The following LRP1B variants were observed in gnomAD, a reference collection of about 807,000 sequenced individuals.
The protein encoded by LRP1B is low-density lipoprotein receptor-related protein 1B.
In LRP1B, 217 loss-of-function variants were observed where a neutral mutation model predicts 556.6. The observed-to-expected ratio is 0.39, with a 90% confidence interval of 0.35 to 0.44. The LOEUF is 0.44. Ranked by LOEUF, LRP1B falls within the 20% of genes least tolerant of loss-of-function variation. The pLI, the probability that LRP1B is intolerant of heterozygous loss-of-function variation, is 1.00. For missense variants in LRP1B, 5,053 were observed against 5,620.8 expected (o/e 0.90, Z 3.23); for synonymous variants, 2,047 against 1,865.8 (o/e 1.10, Z -2.50).
chr2:141,925,701 A>G (rs542447589), intron 1 of LRP1B, among the ~76,000 whole-genome samples: 16 of 152,316 alleles, frequency 1.1e-4, no homozygotes, highest in Non-Finnish European at 2.1e-4. Context: ...TGGTACAATT[A>G]TCACATAGGG....
At chr2:140,710,493 T>C (rs1686992925) in intron 37 of LRP1B, among the ~76,000 whole-genome samples, 1 of 152,020 alleles carries the variant, frequency 6.6e-6, no homozygotes, top group Non-Finnish European at 1.5e-5. Flanking sequence ...TTTGCATATA[T>C]TTATTATATT....
chr2:141,575,028 G>A lies in LRP1B; in HGVS notation c.206-94495C>T, dbSNP rs923074277. On this transcript the variant is annotated intron_variant, in intron 2 of 90. Transcript: ENST00000389484. Reference sequence around the variant, plus strand: ...TCAATATTGTGAAAATGGCCATACTGCCCAAAGCAGTTTATAGATTCAATG... The same window carrying A: ...TCAATATTGTGAAAATGGCCATACTACCCAAAGCAGTTTATAGATTCAATG... Among the ~76,000 whole-genome samples the A allele has an allele frequency of 2.6e-5, 4 of 151,948 alleles. No individual in the cohort carries two copies. In the East Asian group the frequency reaches 7.7e-4, roughly 29 times the overall value.
At chr2:141,438,405 T>A (rs1470690615) in intron 3 of LRP1B, among the ~76,000 whole-genome samples, 1 of 152,148 alleles carries the variant, frequency 6.6e-6, no homozygotes, top group Non-Finnish European at 1.5e-5. Flanking sequence ...CTAACTAGGA[T>A]TGTGTCCCAT....
chr2:140,360,155 T>A (rs1682439767), intron 72 of LRP1B, among the ~76,000 whole-genome samples: 1 of 151,636 alleles, frequency 6.6e-6, no homozygotes, highest in South Asian at 2.1e-4. Context: ...TCAATTTCCT[T>A]GAGAATACAA....
chr2:140,626,701 TAA>T (rs60712957), intron 41 of LRP1B, among the ~76,000 whole-genome samples: 32,322 of 142,010 alleles, frequency 0.23, 3,862 homozygotes, highest in Admixed American at 0.3. Flanking sequence ...AGCTTCCATT[TAA>T]AAAAAAAAAA....
At chr2:141,948,872 G>T (rs967498514) in intron 1 of LRP1B, among the ~76,000 whole-genome samples, 1 of 151,908 alleles carries the variant, frequency 6.6e-6, no homozygotes, top group Non-Finnish European at 1.5e-5. Context: ...AATATTAACA[G>T]AATTTTTATA....
chr2:141,951,099 G>T (rs1701092530), intron 1 of LRP1B, among the ~76,000 whole-genome samples: 1 of 152,048 alleles, frequency 6.6e-6, no homozygotes, highest in African/African-American at 2.4e-5. Context: ...AGTGATAATG[G>T]CTGCGTAAAT....
intron 2 of LRP1B, among the ~76,000 whole-genome samples, chr2:141,716,795 G>A (rs2105489258): frequency 6.6e-6 from 1 of 152,256 alleles, no homozygotes; most frequent in South Asian, 2.1e-4. Context: ...GTCTAGCTCT[G>A]CAATTGATTG....
At chr2:140,954,472 T>G (rs1057161443) in intron 18 of LRP1B, among the ~76,000 whole-genome samples, 1 of 152,086 alleles carries the variant, frequency 6.6e-6, no homozygotes, top group African/African-American at 2.4e-5. Context: ...TTAATCAATA[T>G]TCTAAGTTTT....
At chr2:140,903,825 A>AT (rs1553556629) in intron 22 of LRP1B, among the ~76,000 whole-genome samples, 7 of 150,690 alleles carry the variant, frequency 4.6e-5, no homozygotes, top group African/African-American at 1.7e-4. Flanking sequence ...AAAAAAAAAA[A>AT]GTTGTCCTGG....
chr2:141,390,030 C>T (rs6704546), intron 3 of LRP1B, among the ~76,000 whole-genome samples: 81,922 of 151,912 alleles, frequency 0.54, 23,982 homozygotes, highest in Non-Finnish European at 0.67. Flanking sequence ...CCCAGCTACT[C>T]AGGGGGCTGA....
intron 2 of LRP1B, among the ~76,000 whole-genome samples, chr2:141,494,400 G>A (rs1303739510): frequency 6.6e-6 from 1 of 151,906 alleles, no homozygotes; most frequent in Non-Finnish European, 1.5e-5. Flanking sequence ...GCCTTAACTG[G>A]GCTTGAGTTG....
intron 84 of LRP1B, among the ~76,000 whole-genome samples, chr2:140,279,661 G>T (rs1472438321): frequency 6.6e-6 from 1 of 151,798 alleles, no homozygotes; most frequent in African/African-American, 2.4e-5. Context: ...AGTGGAAACT[G>T]GCTTACTAAT....
intron 55 of LRP1B, among the ~76,000 whole-genome samples, chr2:140,496,958 G>T (rs1489007176): frequency 6.7e-6 from 1 of 150,102 alleles, no homozygotes; most frequent in African/African-American, 2.4e-5. Flanking sequence ...TGATGGCAGA[G>T]CTTTGAATTT....
chr2:140,568,394 A>G (rs1258570172), intron 43 of LRP1B, among the ~76,000 whole-genome samples: 1 of 152,010 alleles, frequency 6.6e-6, no homozygotes, highest in Non-Finnish European at 1.5e-5. Flanking sequence ...AGAATAAAGA[A>G]TTTCTTAATC....
chr2:140,373,029 C>T lies in LRP1B; in HGVS notation c.10747G>A (p.Asp3583Asn), dbSNP rs752198878. Residue 3583 changes from aspartate (D) to asparagine (N), a missense_variant, in exon 69 of 91, where the codon GAT (aspartate) becomes AAT (asparagine). This residue lies in a region of LRP1B where 599 missense variants were observed against 648.4 expected (regional missense o/e 0.92). Transcript: ENST00000389484. Reference protein sequence around the residue: ...DGHEDCKYGEDEKSCEPASPT... With the variant: ...DGHEDCKYGENEKSCEPASPT... Reference sequence around the variant, plus strand: ...TTACCTGGCTCACAGCTTTTCTCATCTTCCCCATATTTGCAGTCTTCATGG... The same window carrying T: ...TTACCTGGCTCACAGCTTTTCTCATTTTCCCCATATTTGCAGTCTTCATGG... 1 of 1,613,436 alleles carries T rather than the reference C, an allele frequency of 6.2e-7. No individual in the cohort carries two copies. Among genetic ancestry groups the T allele is most frequent in the Admixed American group, 1.7e-5 (1 of 59,960 alleles).
intron 41 of LRP1B, among the ~76,000 whole-genome samples, chr2:140,690,156 G>A (rs1686187776): frequency 6.6e-6 from 1 of 151,150 alleles, no homozygotes; most frequent in Admixed American, 6.6e-5. Flanking sequence ...TTTATCACCA[G>A]AGAAGAAGAA....
intron 35 of LRP1B, among the ~76,000 whole-genome samples, chr2:140,717,181 C>T (rs182278505): frequency 6.6e-6 from 1 of 152,054 alleles, no homozygotes; most frequent in African/African-American, 2.4e-5. Context: ...CAGTTTTTCT[C>T]TTCACAGCTA....
intron 2 of LRP1B, among the ~76,000 whole-genome samples, chr2:141,518,086 A>G (rs1455440741): frequency 6.6e-6 from 1 of 150,660 alleles, no homozygotes; most frequent in Non-Finnish European, 1.5e-5. Flanking sequence ...ATAATCTGGT[A>G]GATAATGTAG....
Sources: gnomAD v4.1 joint callset for allele counts (sites outside exome capture counted in the v4.1 genomes callset) on GRCh38, gnomAD v4.1.1 for gene constraint, gnomAD v4.1.1 regional missense constraint, MANE v1.5 for transcripts, NCBI Gene and HGNC (gene_info 2026-07-23, HGNC 2026-07-21) for gene names.